Variants in UST observed in about 807,000 individuals in gnomAD.
UST encodes the protein uronyl 2-sulfotransferase.
UST carries 21 observed loss-of-function variants against 45.6 expected under a neutral mutation model. That is an observed-to-expected ratio of 0.46 (90% CI 0.33 to 0.66). The LOEUF is 0.66. UST is among the 30% of genes least tolerant of loss of function. UST has a pLI of 0.02. For synonymous variants in UST, 215 were observed against 200.6 expected, an observed-to-expected ratio of 1.07 and a Z score of -0.61; for missense variants, 463 against 512.4, an observed-to-expected ratio of 0.90 and a Z score of 0.93.
intron 1 of UST, among the ~76,000 whole-genome samples, chr6:148,787,987 T>A (rs2114698659): frequency 6.6e-6 from 1 of 152,334 alleles, no homozygotes; most frequent in Non-Finnish European, 1.5e-5. Flanking sequence ...ATTAGTCTGT[T>A]TTCATGCTGC....
rs145803513 is a variant in UST at position 148,755,894 on chromosome 6, A to C, written c.247+8217A>C. Among the ~76,000 whole-genome samples the C allele has an allele frequency of 4.0e-3, 609 of 152,190 alleles. 2 individuals carry two copies. Among genetic ancestry groups the C allele is most frequent in the Non-Finnish European group, 4.2e-3 (284 of 68,014 alleles). On this transcript the variant is annotated intron_variant, in intron 1 of 7. Coordinates refer to ENST00000367463, the MANE Select transcript of UST (RefSeq NM_005715.3). ...AATTATACTTTAAGTTCTAGGGTAC[A>C]TGTGCACAACGTGCAGGTTTGTTAC...
At chr6:148,762,485 G>A (rs1776239720) in intron 1 of UST, among the ~76,000 whole-genome samples, 1 of 151,446 alleles carries the variant, frequency 6.6e-6, no homozygotes, top group South Asian at 2.1e-4. Flanking sequence ...TTCCTAGCGT[G>A]GTCAGGAGAA....
intron 1 of UST, among the ~76,000 whole-genome samples, chr6:148,852,084 G>A (rs996524107): frequency 2.6e-5 from 4 of 152,204 alleles, no homozygotes; most frequent in African/African-American, 9.6e-5. Context: ...CAGCAATCAT[G>A]CTCTTTCATC....
At chr6:148,764,939 AT>A (rs1483320078) in intron 1 of UST, among the ~76,000 whole-genome samples, 7 of 152,258 alleles carry the variant, frequency 4.6e-5, no homozygotes, top group Middle Eastern at 6.8e-3. Context: ...TTTCATCCCT[AT>A]CTATATCTGC....
At chr6:148,974,893 T>G (rs978162186) in intron 5 of UST, among the ~76,000 whole-genome samples, 8 of 152,244 alleles carry the variant, frequency 5.3e-5, no homozygotes, top group African/African-American at 1.9e-4. Flanking sequence ...GTTTGACTTT[T>G]ATAGTAAGAC....
At chr6:149,071,447 G>A (rs916397298) in intron 7 of UST, among the ~76,000 whole-genome samples, 7 of 152,188 alleles carry the variant, frequency 4.6e-5, no homozygotes, top group African/African-American at 1.4e-4. Flanking sequence ...AAATCTTCAT[G>A]ACCTTGGATT....
At chr6:149,061,116 G>A (rs766457247) in intron 7 of UST, among the ~76,000 whole-genome samples, 9 of 152,146 alleles carry the variant, frequency 5.9e-5, no homozygotes, top group East Asian at 1.9e-4. Context: ...GTTATTTTGC[G>A]TATGGTTAAC....
At chr6:148,872,957 C>T (rs573885116) in intron 1 of UST, among the ~76,000 whole-genome samples, 1 of 152,258 alleles carries the variant, frequency 6.6e-6, no homozygotes, top group African/African-American at 2.4e-5. Flanking sequence ...GTCTCTTTTG[C>T]CACGTAAAGT....
chr6:148,895,895 T>C (rs1259310433), intron 2 of UST, among the ~76,000 whole-genome samples: 1 of 152,238 alleles, frequency 6.6e-6, no homozygotes, highest in Non-Finnish European at 1.5e-5. Flanking sequence ...CACAAGTTCC[T>C]AAGAAAGATT....
In UST at chr6:148,990,424, G is replaced by C. The variant is rs1010410465; in HGVS notation, c.681+25861G>C. The C allele has an allele frequency of 1.7e-5, 17 of 985,256 alleles. No individual in the cohort carries two copies. In the African/African-American group the frequency reaches 3.0e-4, roughly 17 times the overall value. 61.0% of individuals were successfully genotyped at this position (985,256 alleles called of 1,614,324 possible). On this transcript the variant is annotated intron_variant, in intron 5 of 7. Transcript: ENST00000367463. The stretch of plus-strand genomic sequence containing the variant: ...CGAGAAGCCAAAGGAGATGTTTCAT[G>C]ATAAGGTAACTAGATGGTATTTTTC...
chr6:148,980,644 A>G (rs533914829), intron 5 of UST, among the ~76,000 whole-genome samples: 1 of 152,268 alleles, frequency 6.6e-6, no homozygotes, highest in East Asian at 1.9e-4. Flanking sequence ...TTCTGACATC[A>G]TCTTTCAGAA....
In UST at chr6:148,864,268, C is replaced by G. The variant is rs1462638120; in HGVS notation, c.248-22718C>G. On this transcript the variant is annotated intron_variant, in intron 1 of 7. Transcript: ENST00000367463. ...CGATCTCATACTGCTGTGCTAGCAGCGAGTGAGGCTCCATGGGCGTGGGAC... is the reference window on the plus strand; with the variant it reads ...CGATCTCATACTGCTGTGCTAGCAGGGAGTGAGGCTCCATGGGCGTGGGAC... Among the ~76,000 whole-genome samples, 6 of 152,358 alleles carry G rather than the reference C, an allele frequency of 3.9e-5. No homozygotes were observed. The East Asian group carries it at 7.7e-4, about 20-fold the overall frequency.
At chr6:149,053,891 A>G (rs1339832554) in intron 7 of UST, among the ~76,000 whole-genome samples, 1 of 152,188 alleles carries the variant, frequency 6.6e-6, no homozygotes, top group Non-Finnish European at 1.5e-5. Flanking sequence ...GAAGCTTAGA[A>G]ACATTGGCAC....
At chr6:148,791,126 C>T (rs895139604) in intron 1 of UST, among the ~76,000 whole-genome samples, 3 of 152,204 alleles carry the variant, frequency 2.0e-5, no homozygotes, top group African/African-American at 7.2e-5. Flanking sequence ...ACTTTGTTCT[C>T]CAGGTGACAT....
chr6:148,775,550 A>C (rs570576384), intron 1 of UST, among the ~76,000 whole-genome samples: 2 of 152,254 alleles, frequency 1.3e-5, no homozygotes, highest in South Asian at 4.1e-4. Flanking sequence ...ATGTGTGTGC[A>C]TGTGGGTGTG....
intron 1 of UST, among the ~76,000 whole-genome samples, chr6:148,770,224 G>A (rs1248516388): frequency 1.3e-5 from 2 of 151,642 alleles, no homozygotes; most frequent in East Asian, 3.9e-4. Context: ...ACATAACATG[G>A]GGAGCACAGA....
intron 1 of UST, among the ~76,000 whole-genome samples, chr6:148,830,686 T>G (rs1323796739): frequency 6.6e-6 from 1 of 152,212 alleles, no homozygotes; most frequent in Non-Finnish European, 1.5e-5. Flanking sequence ...GAAATTACGC[T>G]AAGTGAAAGG....
intron 1 of UST, among the ~76,000 whole-genome samples, chr6:148,769,282 T>C (rs1776375586): frequency 1.3e-5 from 2 of 152,238 alleles, no homozygotes; most frequent in South Asian, 4.1e-4. Context: ...TTGTGGTCCT[T>C]TTTAATGTCT....
chr6:148,776,295 C>T (rs1277022339), intron 1 of UST, among the ~76,000 whole-genome samples: 2 of 152,170 alleles, frequency 1.3e-5, no homozygotes, highest in Admixed American at 6.5e-5. Context: ...GGATCTTCTT[C>T]CAAGATTTTT....
Sources: gnomAD v4.1 joint callset for allele counts (sites outside exome capture counted in the v4.1 genomes callset) on GRCh38, gnomAD v4.1.1 for gene constraint, MANE v1.5 for transcripts, NCBI Gene and HGNC (gene_info 2026-07-23, HGNC 2026-07-21) for gene names.